TTC6: variants seen among roughly 807,000 people sequenced by gnomAD.
The protein encoded by TTC6 is tetratricopeptide repeat protein 6.
Under a neutral mutation model 210.4 loss-of-function variants are expected in TTC6, and 172 were observed. The ratio of observed to expected loss-of-function variants is 0.82; its 90% CI spans 0.72 to 0.93. The LOEUF (loss-of-function observed/expected upper bound fraction) is 0.93. Among genes scored for constraint, TTC6 ranks in the 40% least tolerant of loss-of-function variants. The probability of loss-of-function intolerance (pLI) is 0.00; values close to 1 mark genes in which losing one functional copy is unlikely to be tolerated. For missense variants in TTC6, 2,414 were observed against 2,318.1 expected (o/e 1.04, Z -0.85); for synonymous variants, 804 against 819.6 (o/e 0.98, Z 0.32).
chr14:37,640,208 T>A (rs1237586033), intron 1 of TTC6, among the ~76,000 whole-genome samples: 1 of 152,052 alleles, frequency 6.6e-6, no homozygotes, highest in Non-Finnish European at 1.5e-5. Context: ...GCATGTATAT[T>A]GTTTTCCATT....
chr14:37,835,581 A>C (rs1472603344), intron 29 of TTC6, among the ~76,000 whole-genome samples: 2 of 152,154 alleles, frequency 1.3e-5, no homozygotes, highest in African/African-American at 4.8e-5. Flanking sequence ...GATAGTATGT[A>C]ATCCTATCTA....
intron 6 of TTC6, among the ~76,000 whole-genome samples, chr14:37,719,895 T>C (rs1370452096): frequency 6.6e-6 from 1 of 152,002 alleles, no homozygotes; most frequent in Non-Finnish European, 1.5e-5. Flanking sequence ...AAGACCCTGT[T>C]AAGAGGATTA....
At chr14:37,645,914 A>G (rs796194349) in intron 1 of TTC6, among the ~76,000 whole-genome samples, 6 of 152,314 alleles carry the variant, frequency 3.9e-5, no homozygotes, top group African/African-American at 1.4e-4. Context: ...TTACCTATTC[A>G]TGCAATGTAA....
intron 14 of TTC6, among the ~76,000 whole-genome samples, chr14:37,784,521 C>T (rs756620151): frequency 2.3e-4 from 35 of 152,018 alleles, no homozygotes; most frequent in Admixed American, 2.0e-4. Flanking sequence ...TGTCTCTGCA[C>T]GTTGAGATGG....
rs2095652552 is a variant in TTC6, at chr14:37,622,326, GC to G, written c.265del (p.Leu89SerfsTer45). On this transcript the variant is annotated frameshift_variant, in exon 1 of 31. Coordinates refer to ENST00000553443, the Ensembl canonical transcript of TTC6. LOFTEE classifies it high-confidence loss of function. ...TAAAGGCCCTGCGATGTCCGCGGCCGCCCTCCTGCAGGAGGTGCTCGGAGGC... is the reference window on the plus strand; with the variant it reads ...TAAAGGCCCTGCGATGTCCGCGGCCGCCTCCTGCAGGAGGTGCTCGGAGGC... The G allele has an allele frequency of 2.0e-6, 3 of 1,533,324 alleles. No homozygotes were observed. The allele number at this position is 1,533,324 out of a possible 1,614,324, so 95.0% of individuals were successfully genotyped here.
At chr14:37,727,048 C>G (rs1031084869) in intron 7 of TTC6, among the ~76,000 whole-genome samples, 4 of 151,532 alleles carry the variant, frequency 2.6e-5, no homozygotes, top group African/African-American at 9.7e-5. Flanking sequence ...ATACTCATAC[C>G]AGTATAACAC....
intron 14 of TTC6, among the ~76,000 whole-genome samples, chr14:37,778,270 G>GCCCT (rs2096044056): frequency 6.6e-6 from 1 of 152,098 alleles, no homozygotes; most frequent in Non-Finnish European, 1.5e-5. Context: ...GTTGGGTAGG[G>GCCCT]GTTCAGGTCC....
chr14:37,780,237 T>C (rs2096050500), intron 14 of TTC6, among the ~76,000 whole-genome samples: 3 of 152,244 alleles, frequency 2.0e-5, no homozygotes, highest in African/African-American at 7.2e-5. Context: ...AACATTTTTT[T>C]CCTCAACTTT....
chr14:37,637,294 G>A (rs1435127396), intron 1 of TTC6, among the ~76,000 whole-genome samples: 1 of 152,130 alleles, frequency 6.6e-6, no homozygotes, highest in Non-Finnish European at 1.5e-5. Flanking sequence ...CTGATCCAAA[G>A]GACAAATTGA....
At chr14:37,783,759 TG>T (rs60966358) in intron 14 of TTC6, among the ~76,000 whole-genome samples, 21,933 of 152,186 alleles carry the variant, frequency 0.14, 1,773 homozygotes, top group East Asian at 0.33. Context: ...CTTTCTCTTA[TG>T]GGCATTTAGT....
intron 14 of TTC6, among the ~76,000 whole-genome samples, chr14:37,753,624 A>T (rs532525639): frequency 6.6e-6 from 1 of 152,146 alleles, no homozygotes; most frequent in Non-Finnish European, 1.5e-5. Context: ...TCTACGGTGC[A>T]GTGACGCAGT....
chr14:37,652,411 A>G (rs767699162), intron 1 of TTC6, among the ~76,000 whole-genome samples: 58 of 152,120 alleles, frequency 3.8e-4, no homozygotes, highest in Non-Finnish European at 1.6e-4. Context: ...TGTTTATATG[A>G]GGAGAGGAAT....
chr14:37,745,431 T>C (rs1182004910), intron 10 of TTC6, among the ~76,000 whole-genome samples: 1 of 152,178 alleles, frequency 6.6e-6, no homozygotes, highest in Non-Finnish European at 1.5e-5. Flanking sequence ...TATTGCTTTT[T>C]GTTTGCTATC....
At chr14:37,597,032 G>C (rs544096575) in intron 1 of TTC6, among the ~76,000 whole-genome samples, 1 of 150,482 alleles carries the variant, frequency 6.6e-6, no homozygotes, top group Non-Finnish European at 1.5e-5. Flanking sequence ...TTACAAAAAG[G>C]GTGGGGGGGT....
intron 14 of TTC6, among the ~76,000 whole-genome samples, chr14:37,764,578 C>T (rs1349551530): frequency 6.6e-6 from 1 of 152,054 alleles, no homozygotes; most frequent in Non-Finnish European, 1.5e-5. Context: ...CTGATATTAG[C>T]AAAGCTACTC....
intron 1 of TTC6, among the ~76,000 whole-genome samples, chr14:37,675,816 G>T (rs911863909): frequency 6.7e-6 from 1 of 149,996 alleles, no homozygotes; most frequent in Admixed American, 6.7e-5. Context: ...TTTGATTTGT[G>T]TTTCCCTGAT....
intron 29 of TTC6, among the ~76,000 whole-genome samples, chr14:37,840,356 C>G (rs566279235): frequency 6.6e-6 from 1 of 152,144 alleles, no homozygotes; most frequent in East Asian, 1.9e-4. Context: ...TAATAGCCTA[C>G]CAACCAAAAA....
chr14:37,651,425 ATTTTTTTTTTTTTTTTT>A (rs55775703), intron 1 of TTC6, among the ~76,000 whole-genome samples: 8 of 23,910 alleles, frequency 3.3e-4, no homozygotes, highest in South Asian at 2.0e-3. Flanking sequence ...ATATATATAT[ATTTTTTTTTTTTTTTTT>A]TTTTTTTTTT....
At chr14:37,613,060 C>A (rs2095637178) in intron 2 of TTC6, among the ~76,000 whole-genome samples, 1 of 151,934 alleles carries the variant, frequency 6.6e-6, no homozygotes, top group African/African-American at 2.4e-5. Context: ...TTCCTTGTTT[C>A]CAATTTTAGG....
Sources: allele counts gnomAD v4.1 joint callset (sites outside exome capture counted in the v4.1 genomes callset), GRCh38; gene constraint gnomAD v4.1.1; transcripts MANE v1.5; gene names NCBI Gene and HGNC (gene_info 2026-07-23, HGNC 2026-07-21).